SNX30: variants seen among roughly 807,000 people sequenced by gnomAD.
SNX30 encodes sorting nexin family member 30.
SNX30 carries 24 observed loss-of-function variants against 46.4 expected under a neutral mutation model. The ratio of observed to expected loss-of-function variants is 0.52; its 90% CI spans 0.37 to 0.73. The LOEUF (loss-of-function observed/expected upper bound fraction) is 0.73. Among genes scored for constraint, SNX30 ranks in the 30% least tolerant of loss-of-function variants. The probability of loss-of-function intolerance (pLI) is 0.00; values close to 1 mark genes in which losing one functional copy is unlikely to be tolerated. For synonymous variants in SNX30, 189 were observed against 211.5 expected, an observed-to-expected ratio of 0.89 and a Z score of 0.92; for missense variants, 533 against 555.7, an observed-to-expected ratio of 0.96 and a Z score of 0.41.
intron 1 of SNX30, among the ~76,000 whole-genome samples, chr9:112,773,204 C>T: frequency 6.6e-6 from 1 of 152,106 alleles, no homozygotes; most frequent in Admixed American, 6.6e-5. Context: ...TACTGGCTGG[C>T]AATCACTTAC....
chr9:112,862,155 GGTCA>G (rs1564295596), intron 7 of SNX30, among the ~76,000 whole-genome samples: 1 of 152,132 alleles, frequency 6.6e-6, no homozygotes, highest in Non-Finnish European at 1.5e-5. Flanking sequence ...GATTTTTCTG[GGTCA>G]GTCAGAGTTC....
chr9:112,781,847 G>A (rs905837305), intron 1 of SNX30, among the ~76,000 whole-genome samples: 5 of 147,126 alleles, frequency 3.4e-5, no homozygotes, highest in Admixed American at 1.4e-4. Context: ...TTGCCATGTT[G>A]GTCAGGCTGG....
At chr9:112,755,671 G>A (rs1839337212) in intron 1 of SNX30, among the ~76,000 whole-genome samples, 2 of 151,582 alleles carry the variant, frequency 1.3e-5, no homozygotes, top group South Asian at 4.2e-4. Context: ...ACTAGATAGA[G>A]GAAAATAAAA....
At chr9:112,790,173 C>G (rs1210234100) in intron 1 of SNX30, among the ~76,000 whole-genome samples, 1 of 152,178 alleles carries the variant, frequency 6.6e-6, no homozygotes, top group Non-Finnish European at 1.5e-5. Flanking sequence ...TTGAGACTTA[C>G]TATCAATAGT....
At chr9:112,795,606 T>A (rs1487145773) in intron 1 of SNX30, among the ~76,000 whole-genome samples, 2 of 152,104 alleles carry the variant, frequency 1.3e-5, no homozygotes, top group Non-Finnish European at 2.9e-5. Flanking sequence ...AGAACTAACT[T>A]CATACTGTCT....
intron 1 of SNX30, among the ~76,000 whole-genome samples, chr9:112,788,333 C>G (rs1438407788): frequency 6.6e-6 from 1 of 152,124 alleles, no homozygotes; most frequent in Non-Finnish European, 1.5e-5. Context: ...CCTTAGGCAC[C>G]TGACTTCTTA....
At chr9:112,822,367 G>GT (rs930236577) in intron 3 of SNX30, among the ~76,000 whole-genome samples, 8 of 151,526 alleles carry the variant, frequency 5.3e-5, no homozygotes, top group South Asian at 2.1e-4. Context: ...TTTTCCCTCT[G>GT]TTTTTTTTAA....
At chr9:112,794,779 G>T (rs1425220515) in intron 1 of SNX30, among the ~76,000 whole-genome samples, 1 of 152,080 alleles carries the variant, frequency 6.6e-6, no homozygotes, top group African/African-American at 2.4e-5. Context: ...ATTCTGTCTT[G>T]TGGCTGGCTG....
At chr9:112,814,139 A>G (rs967547976) in intron 2 of SNX30, among the ~76,000 whole-genome samples, 2 of 152,250 alleles carry the variant, frequency 1.3e-5, no homozygotes, top group African/African-American at 2.4e-5. Context: ...CAATAAAACA[A>G]TGGAAAGATT....
chr9:112,780,787 C>T (rs966178768), intron 1 of SNX30, among the ~76,000 whole-genome samples: 13 of 152,124 alleles, frequency 8.5e-5, no homozygotes, highest in Non-Finnish European at 1.6e-4. Context: ...TAAATATTAC[C>T]ATCTGTCATT....
chr9:112,752,056 T>C (rs62576366), intron 1 of SNX30, among the ~76,000 whole-genome samples: 14,876 of 152,172 alleles, frequency 0.098, 789 homozygotes, highest in African/African-American at 0.12. Flanking sequence ...GTGATCAAGA[T>C]TTTCTCTCCC....
downstream of SNX30, chr9:112,885,095 T>A (rs1425856782): frequency 6.6e-6 from 1 of 152,218 alleles, no homozygotes; most frequent in Non-Finnish European, 1.5e-5. Flanking sequence ...TGGTCATGCC[T>A]GCTGATCCAT....
intron 5 of SNX30, among the ~76,000 whole-genome samples, 193 bp from the exon 6 acceptor site, chr9:112,838,305 A>T (rs1357498988): frequency 1.3e-5 from 2 of 152,224 alleles, no homozygotes; most frequent in Non-Finnish European, 2.9e-5. Context: ...TTGATGTAAC[A>T]TGAGCTGTCA....
intron 3 of SNX30, among the ~76,000 whole-genome samples, chr9:112,824,779 A>G (rs1162996542): frequency 1.3e-5 from 2 of 152,110 alleles, no homozygotes; most frequent in Admixed American, 1.3e-4. Flanking sequence ...TGCTTCCACC[A>G]TCACATCTCC....
rs1284753211 is a variant in SNX30, at chr9:112,864,238, C to G, written c.1102-9C>G. ...GTGCAGGGCACCCATGTGTGCCTCCCTTTTCCAGGTACCGGCGGACGTCGA... is the reference window on the plus strand; with the variant it reads ...GTGCAGGGCACCCATGTGTGCCTCCGTTTTCCAGGTACCGGCGGACGTCGA... On this transcript the variant is annotated splice_polypyrimidine_tract_variant and intron_variant, in intron 7 of 8. Coordinates refer to ENST00000374232, the MANE Select transcript of SNX30 (RefSeq NM_001012994.2). 6.2e-7 allele frequency: 1 copy of G among 1,613,462 alleles called. No homozygotes were observed.
At chr9:112,868,368 A>AT (rs1398146277) in intron 8 of SNX30, among the ~76,000 whole-genome samples, 2 of 152,100 alleles carry the variant, frequency 1.3e-5, no homozygotes, top group African/African-American at 4.8e-5. Context: ...TGCTCCAACT[A>AT]TGATTTCCAT....
intron 4 of SNX30, among the ~76,000 whole-genome samples, chr9:112,833,193 A>T (rs1409147270): frequency 6.6e-6 from 1 of 152,128 alleles, no homozygotes; most frequent in East Asian, 1.9e-4. Context: ...AAATGGCAGC[A>T]CCCTATTCCC....
At chr9:112,749,972 A>G (rs1839238285), upstream of SNX30, among the ~76,000 whole-genome samples, 1 of 152,240 alleles carries the variant, frequency 6.6e-6, no homozygotes, top group African/African-American at 2.4e-5. Context: ...AAAGGGCTGG[A>G]AGTAACACCT....
chr9:112,862,045 T>C (rs1342348400), intron 7 of SNX30, among the ~76,000 whole-genome samples: 1 of 152,228 alleles, frequency 6.6e-6, no homozygotes, highest in African/African-American at 2.4e-5. Flanking sequence ...TTTGTATTCC[T>C]CAGTGCCAAG....
Sources: allele counts gnomAD v4.1 joint callset (sites outside exome capture counted in the v4.1 genomes callset), GRCh38; gene constraint gnomAD v4.1.1; transcripts MANE v1.5; gene names NCBI Gene and HGNC (gene_info 2026-07-23, HGNC 2026-07-21).